DTWD2: variants seen among roughly 807,000 people sequenced by gnomAD.
DTWD2 encodes tRNA-uridine aminocarboxypropyltransferase 2.
Under a neutral mutation model 31.8 loss-of-function variants are expected in DTWD2, and 39 were observed. The ratio of observed to expected loss-of-function variants is 1.22; its 90% CI spans 0.95 to 1.60. The LOEUF (loss-of-function observed/expected upper bound fraction) is 1.60, where lower values mean the gene tolerates loss of function less well. Ranked by LOEUF, DTWD2 falls within the 40% of genes most tolerant of loss-of-function variation. The pLI is 0.00. For missense variants in DTWD2, 515 were observed against 381.5 expected (o/e 1.35, Z -2.92); for synonymous variants, 180 against 142.8 (o/e 1.26, Z -1.86).
intron 1 of DTWD2, among the ~76,000 whole-genome samples, 179 bp from the exon 2 acceptor site, chr5:118,944,828 G>A (rs766981812): frequency 1.3e-5 from 2 of 152,086 alleles, no homozygotes; most frequent in Non-Finnish European, 2.9e-5. Context: ...TGAGAATTTG[G>A]AGAAATTCAA....
chr5:118,838,340 C>A lies in DTWD2; in HGVS notation c.*2577G>T. On this transcript the variant is annotated 3_prime_UTR_variant, in exon 6 of 6. Transcript: ENST00000510708. ...ACAACATCAAAGTGCAGATGGGGTA[C>A]ACAAGTAAAACCTACTATCAGCTAC... 6.6e-6 allele frequency: 1 copy of A among 152,094 alleles called. No homozygotes were observed. Among genetic ancestry groups the A allele is most frequent in the Admixed American group, 6.5e-5 (1 of 15,280 alleles). The allele number at this position is 152,094 out of a possible 1,614,324, so 9.4% of individuals were successfully genotyped here.
At chr5:118,914,973 T>C (rs1050875705) in intron 4 of DTWD2, among the ~76,000 whole-genome samples, 1 of 152,194 alleles carries the variant, frequency 6.6e-6, no homozygotes. Context: ...ACGCCTATAA[T>C]CCCAGCACTG....
intron 3 of DTWD2, 96 bp from the exon 4 acceptor site, chr5:118,928,825 G>A (rs1228098466): frequency 1.0e-6 from 1 of 1,002,120 alleles, no homozygotes; most frequent in East Asian, 2.6e-5. Context: ...TTCCCTATAT[G>A]TAGTCATTTG....
In DTWD2 at chr5:118,840,111, G is replaced by A. The variant is rs184456112; in HGVS notation, c.*806C>T. ...GCAGGAAGAATTTTTTCTCTCAAAT[G>A]GAAAGTTTTTGCTCGTTAAAAAGGT... On this transcript the variant is annotated 3_prime_UTR_variant, in exon 6 of 6. Coordinates refer to ENST00000510708, the MANE Select transcript of DTWD2 (RefSeq NM_173666.4). 1 of 152,150 alleles carries A rather than the reference G, an allele frequency of 6.6e-6. No individual in the cohort carries two copies. Among genetic ancestry groups the A allele is most frequent in the African/African-American group, 2.4e-5 (1 of 41,494 alleles). The allele number at this position is 152,150 out of a possible 1,614,324, so 9.4% of individuals were successfully genotyped here.
intron 1 of DTWD2, among the ~76,000 whole-genome samples, chr5:118,983,924 C>T (rs889874836): frequency 5.3e-5 from 8 of 152,116 alleles, no homozygotes; most frequent in African/African-American, 1.2e-4. Flanking sequence ...CTGAAGCAGG[C>T]GGCTCACCTG....
intron 1 of DTWD2, among the ~76,000 whole-genome samples, chr5:118,967,287 A>G (rs895259550): frequency 6.6e-6 from 1 of 152,218 alleles, no homozygotes; most frequent in African/African-American, 2.4e-5. Context: ...GTGTACATAT[A>G]GATTTAGAAA....
intron 4 of DTWD2, among the ~76,000 whole-genome samples, chr5:118,877,302 C>G (rs1752642419): frequency 6.6e-6 from 1 of 151,948 alleles, no homozygotes; most frequent in Admixed American, 6.6e-5. Flanking sequence ...GAAACCCCAT[C>G]TCTACTAAAA....
intron 4 of DTWD2, among the ~76,000 whole-genome samples, chr5:118,865,364 T>A (rs932934932): frequency 2.6e-5 from 4 of 152,066 alleles, no homozygotes; most frequent in Admixed American, 6.6e-5. Context: ...GACTCATGAG[T>A]ATAAATAAGT....
At chr5:118,986,223 TG>T (rs1413846739) in intron 1 of DTWD2, among the ~76,000 whole-genome samples, 1 of 151,980 alleles carries the variant, frequency 6.6e-6, no homozygotes, top group Non-Finnish European at 1.5e-5. Context: ...CGTTTGGGAA[TG>T]GGGGATAGGA....
chr5:118,863,148 G>A (rs180838596), intron 4 of DTWD2, among the ~76,000 whole-genome samples: 5 of 152,178 alleles, frequency 3.3e-5, no homozygotes, highest in East Asian at 1.9e-4. Context: ...TGGACACTGC[G>A]TTACGTTTTT....
intron 1 of DTWD2, among the ~76,000 whole-genome samples, chr5:118,981,743 CACAG>C (rs774632970): frequency 1.3e-5 from 2 of 152,084 alleles, no homozygotes; most frequent in African/African-American, 4.8e-5. Flanking sequence ...AGAATCTCAT[CACAG>C]ACAGACAAAG....
chr5:118,985,298 G>A (rs919513213), intron 1 of DTWD2, among the ~76,000 whole-genome samples: 4 of 151,560 alleles, frequency 2.6e-5, no homozygotes, highest in Admixed American at 6.6e-5. Context: ...TAAATATTTC[G>A]TTATGTCCTT....
chr5:118,968,769 A>T (rs1199729551), intron 1 of DTWD2, among the ~76,000 whole-genome samples: 1 of 152,208 alleles, frequency 6.6e-6, no homozygotes, highest in Non-Finnish European at 1.5e-5. Context: ...GCAAGGCGGG[A>T]AATCCATCCA....
chr5:118,872,708 T>G (rs960989526), intron 4 of DTWD2, among the ~76,000 whole-genome samples: 1 of 152,210 alleles, frequency 6.6e-6, no homozygotes, highest in African/African-American at 2.4e-5. Flanking sequence ...TGAAAAAGTT[T>G]GAAACATTGT....
intron 4 of DTWD2, among the ~76,000 whole-genome samples, chr5:118,918,598 G>C (rs1320563245): frequency 1.3e-5 from 2 of 152,102 alleles, no homozygotes; most frequent in African/African-American, 4.8e-5. Context: ...GCCTGATGAA[G>C]ATGATGCTTT....
At chr5:118,859,200 T>C (rs1752203594) in intron 4 of DTWD2, among the ~76,000 whole-genome samples, 1 of 151,274 alleles carries the variant, frequency 6.6e-6, no homozygotes, top group Admixed American at 6.6e-5. Flanking sequence ...GCTGGAATTC[T>C]TGAAGGAAAA....
intron 4 of DTWD2, among the ~76,000 whole-genome samples, chr5:118,886,841 G>C (rs1308788859): frequency 6.6e-6 from 1 of 152,138 alleles, no homozygotes; most frequent in African/African-American, 2.4e-5. Context: ...TTTCAAAATA[G>C]ATTAGGATTT....
At chr5:118,914,973 T>A (rs1050875705) in intron 4 of DTWD2, among the ~76,000 whole-genome samples, 1 of 152,194 alleles carries the variant, frequency 6.6e-6, no homozygotes, top group Non-Finnish European at 1.5e-5. Flanking sequence ...ACGCCTATAA[T>A]CCCAGCACTG....
intron 4 of DTWD2, among the ~76,000 whole-genome samples, chr5:118,878,556 C>A (rs904098988): frequency 3.9e-5 from 6 of 152,074 alleles, no homozygotes; most frequent in African/African-American, 1.4e-4. Context: ...ACTATAAAAA[C>A]CCTGAAAGAC....
Sources: gnomAD v4.1 joint callset for allele counts (sites outside exome capture counted in the v4.1 genomes callset) on GRCh38, gnomAD v4.1.1 for gene constraint, MANE v1.5 for transcripts, NCBI Gene and HGNC (gene_info 2026-07-23, HGNC 2026-07-21) for gene names.